ANKRD45: variants seen among roughly 807,000 people sequenced by gnomAD.
ANKRD45 encodes the protein ankyrin repeat domain-containing protein 45.
In ANKRD45, 21 loss-of-function variants were observed where a neutral mutation model predicts 28.1. The ratio of observed to expected loss-of-function variants is 0.75; its 90% confidence interval spans 0.53 to 1.08. The LOEUF (loss-of-function observed/expected upper bound fraction) is 1.08. ANKRD45 is among the 50% of genes least tolerant of loss of function. ANKRD45 has a pLI of 0.00. For synonymous variants in ANKRD45, 86 were observed against 103.9 expected, an observed-to-expected ratio of 0.83 and a Z score of 1.05; for missense variants, 261 against 308.7, an observed-to-expected ratio of 0.85 and a Z score of 1.16.
chr1:173,704,801 G>T, the ANKRD45 span, among the ~76,000 whole-genome samples: 3 of 152,200 alleles, frequency 2.0e-5, no homozygotes, highest in Admixed American at 2.0e-4. Context: ...AGCATATTCT[G>T]AGATGGAGTT....
the ANKRD45 span, among the ~76,000 whole-genome samples, chr1:173,695,324 T>C: frequency 6.6e-6 from 1 of 152,090 alleles, no homozygotes; most frequent in South Asian, 2.1e-4. Flanking sequence ...CAGTACCCAA[T>C]AGGTAGTTTT....
At chr1:173,685,331 A>T in the ANKRD45 span, among the ~76,000 whole-genome samples, 5 of 152,340 alleles carry the variant, frequency 3.3e-5, no homozygotes, top group African/African-American at 1.2e-4. Context: ...TGGAAGCTGG[A>T]TGCCCTCGGG....
intron 2 of ANKRD45, among the ~76,000 whole-genome samples, chr1:173,647,693 T>C (rs1056459078): frequency 2.0e-5 from 3 of 152,208 alleles, no homozygotes; most frequent in African/African-American, 7.2e-5. Flanking sequence ...ATTCACTTTA[T>C]TGCACAGAGG....
chr1:173,616,990 C>T (rs1329124720), intron 5 of ANKRD45, among the ~76,000 whole-genome samples: 2 of 152,072 alleles, frequency 1.3e-5, no homozygotes, highest in Non-Finnish European at 2.9e-5. Flanking sequence ...TCACAATGTA[C>T]GTGTGGCTTA....
intron 5 of ANKRD45, among the ~76,000 whole-genome samples, chr1:173,611,372 G>A (rs1370896681): frequency 2.0e-5 from 3 of 152,160 alleles, no homozygotes; most frequent in Non-Finnish European, 4.4e-5. Context: ...CTAGGAGAGT[G>A]CTATGTGTGT....
the ANKRD45 span, among the ~76,000 whole-genome samples, chr1:173,688,961 G>C: frequency 2.0e-5 from 3 of 152,198 alleles, no homozygotes; most frequent in Non-Finnish European, 4.4e-5. Context: ...CGGGGGGTTG[G>C]GGGGAACAAA....
chr1:173,666,603 G>C (rs727924), intron 1 of ANKRD45, among the ~76,000 whole-genome samples: 1 of 151,908 alleles, frequency 6.6e-6, no homozygotes, highest in Non-Finnish European at 1.5e-5. Context: ...AATGACAAGA[G>C]AAAAAGTCTG....
chr1:173,669,959 A>G, upstream of ANKRD45: 1 of 169,156 alleles, frequency 5.9e-6, no homozygotes, highest in African/African-American at 2.4e-5. Context: ...GAAAACAGCC[A>G]GGAATTATCT....
chr1:173,619,977 G>A (rs1667630962), intron 5 of ANKRD45, among the ~76,000 whole-genome samples: 1 of 152,086 alleles, frequency 6.6e-6, no homozygotes, highest in South Asian at 2.1e-4. Context: ...AACCTACAAA[G>A]AGACTTAGAC....
At chr1:173,679,199 T>G in the ANKRD45 span, among the ~76,000 whole-genome samples, 2 of 152,168 alleles carry the variant, frequency 1.3e-5, no homozygotes, top group Admixed American at 1.3e-4. Flanking sequence ...AAAACTACTT[T>G]AAAGTTCATA....
rs547178353 is a variant in ANKRD45 at position 173,617,913 on chromosome 1, TCC to T, written c.730+6872_730+6873del. ...GGTCAATACCCCACTGGGACAAAGCTCCCAAAGAAAAGAGCAGGTTGTTGTCC... is the reference window on the plus strand; with the variant it reads ...GGTCAATACCCCACTGGGACAAAGCTCAAAGAAAAGAGCAGGTTGTTGTCC... On this transcript the variant is annotated intron_variant, in intron 5 of 5. Coordinates refer to ENST00000333279, the MANE Select transcript of ANKRD45 (RefSeq NM_198493.3). 3.3e-5 allele frequency among the ~76,000 whole-genome samples: 5 copies of T among 152,060 alleles called. No individual in the cohort carries two copies. The South Asian group carries it at 1.0e-3, about 32-fold the overall frequency.
At chr1:173,678,035 A>G in the ANKRD45 span, among the ~76,000 whole-genome samples, 2 of 152,176 alleles carry the variant, frequency 1.3e-5, no homozygotes, top group Non-Finnish European at 2.9e-5. Flanking sequence ...GAGTTGAAAG[A>G]GAGCTTTATT....
chr1:173,689,923 T>C, the ANKRD45 span, among the ~76,000 whole-genome samples: 2 of 152,072 alleles, frequency 1.3e-5, no homozygotes, highest in Non-Finnish European at 1.5e-5. Flanking sequence ...ATGCCCAAGA[T>C]GGACAGTAAC....
chr1:173,624,895 T>C lies in ANKRD45; in HGVS notation c.622A>G (p.Asn208Asp). 1 of 1,613,820 alleles carries C rather than the reference T, an allele frequency of 6.2e-7. No homozygotes were observed. Among genetic ancestry groups the C allele is most frequent in the South Asian group, 1.1e-5 (1 of 91,042 alleles). ...TCTGTATGGGTTTCCAACCACTCATTTTTTGCACGGCATGCACTGAGGATG... is the reference window on the plus strand; with the variant it reads ...TCTGTATGGGTTTCCAACCACTCATCTTTTGCACGGCATGCACTGAGGATG... ...NTILSACRAKNEWLETHTEAS... is the reference protein window; with the variant it reads ...NTILSACRAKDEWLETHTEAS... Residue 208 changes from asparagine to aspartate, a missense_variant, in exon 5 of 6, where the codon AAT becomes GAT. By Grantham distance (23) the Asn-to-Asp change is conservative (BLOSUM62 1). Transcript: ENST00000333279.
At chr1:173,648,977 C>T (rs1241368318) in intron 2 of ANKRD45, among the ~76,000 whole-genome samples, 1 of 152,136 alleles carries the variant, frequency 6.6e-6, no homozygotes, top group Non-Finnish European at 1.5e-5. Flanking sequence ...CTGTAAAATC[C>T]ATGCTCTTAA....
chr1:173,683,279 A>C, the ANKRD45 span, among the ~76,000 whole-genome samples: 63 of 152,270 alleles, frequency 4.1e-4, no homozygotes, highest in East Asian at 0.011. Flanking sequence ...TCTCAGGCTG[A>C]AGGCTGCTCT....
At chr1:173,651,735 T>A (rs1451182697) in intron 2 of ANKRD45, among the ~76,000 whole-genome samples, 3 of 152,344 alleles carry the variant, frequency 2.0e-5, no homozygotes. Context: ...GAGCATGGAA[T>A]GTTCTTCCAT....
the ANKRD45 span, among the ~76,000 whole-genome samples, chr1:173,688,413 T>TCTCTCTCTCTGCCTCTTC: frequency 7.0e-6 from 1 of 143,692 alleles, no homozygotes; most frequent in African/African-American, 2.8e-5. Context: ...TGCCTCTTCC[T>TCTCTCTCTCTGCCTCTTC]CTCTCTCTGC....
intron 1 of ANKRD45, among the ~76,000 whole-genome samples, chr1:173,664,079 C>T (rs1379285048): frequency 6.6e-6 from 1 of 152,160 alleles, no homozygotes; most frequent in East Asian, 1.9e-4. Context: ...ATACAACCCA[C>T]AGTGTGTAAA....
Sources: allele counts gnomAD v4.1 joint callset (sites outside exome capture counted in the v4.1 genomes callset), GRCh38; gene constraint gnomAD v4.1.1; transcripts MANE v1.5; gene names NCBI Gene and HGNC (gene_info 2026-07-23, HGNC 2026-07-21).